Variants in AFG1L observed in about 807,000 individuals in gnomAD.
AFG1L encodes the protein AFG1-like ATPase.
A neutral mutation model predicts 62.2 loss-of-function variants in AFG1L; 53 were observed. That is an observed-to-expected ratio of 0.85 (90% CI 0.68 to 1.07). The LOEUF is 1.07. Ranked by LOEUF, AFG1L falls within the 50% of genes least tolerant of loss-of-function variation. The probability of loss-of-function intolerance (pLI) is 0.00; values close to 1 mark genes in which losing one functional copy is unlikely to be tolerated. For missense variants in AFG1L, 555 were observed against 590.5 expected, an observed-to-expected ratio of 0.94 and a Z score of 0.62; for synonymous variants, 228 against 210.3, an observed-to-expected ratio of 1.08 and a Z score of -0.73.
chr6:108,402,451 G>A (rs927480372), intron 7 of AFG1L, among the ~76,000 whole-genome samples: 1 of 143,218 alleles, frequency 7.0e-6, no homozygotes, highest in African/African-American at 2.7e-5. Flanking sequence ...GTGACAGGGC[G>A]AGACGCCGTC....
chr6:108,304,474 G>A (rs1201037625), intron 1 of AFG1L, among the ~76,000 whole-genome samples: 2 of 152,138 alleles, frequency 1.3e-5, no homozygotes, highest in Non-Finnish European at 2.9e-5. Context: ...TCTGGTCAGT[G>A]GCCACTGTTT....
At chr6:108,418,015 G>T (rs1387650238) in intron 7 of AFG1L, among the ~76,000 whole-genome samples, 2 of 152,016 alleles carry the variant, frequency 1.3e-5, no homozygotes, top group Admixed American at 6.6e-5. Context: ...TGTATTTTTA[G>T]TAGAGACGGG....
intron 3 of AFG1L, among the ~76,000 whole-genome samples, chr6:108,353,535 G>A (rs1391302672): frequency 6.6e-6 from 1 of 151,622 alleles, no homozygotes; most frequent in Non-Finnish European, 1.5e-5. Flanking sequence ...GCAATGCACA[G>A]ATTCCAATTT....
At chr6:108,447,330 A>G (rs371989313) in intron 8 of AFG1L, 34 bp downstream of exon 8, 9 of 1,186,246 alleles carry the variant, frequency 7.6e-6, no homozygotes, top group Non-Finnish European at 1.1e-5. Flanking sequence ...TTTAATGTCT[A>G]ATCGTTAATC....
chr6:108,356,301 G>C (rs1779284938), intron 4 of AFG1L, among the ~76,000 whole-genome samples: 1 of 152,078 alleles, frequency 6.6e-6, no homozygotes, highest in Non-Finnish European at 1.5e-5. Flanking sequence ...TAGAGATAAG[G>C]GTGCATTTCG....
intron 10 of AFG1L, among the ~76,000 whole-genome samples, chr6:108,501,026 C>T (rs1305947874): frequency 6.6e-6 from 1 of 151,828 alleles, no homozygotes; most frequent in Non-Finnish European, 1.5e-5. Context: ...CGGAGTCTTG[C>T]TCTGTCGCCC....
chr6:108,346,697 G>C (rs1284473088), intron 2 of AFG1L, among the ~76,000 whole-genome samples: 1 of 152,062 alleles, frequency 6.6e-6, no homozygotes, highest in African/African-American at 2.4e-5. Context: ...ATTGTTCGCT[G>C]TTCTAAGTAC....
At chr6:108,519,404 T>A (rs941052301) in intron 11 of AFG1L, among the ~76,000 whole-genome samples, 2 of 152,200 alleles carry the variant, frequency 1.3e-5, no homozygotes, top group Non-Finnish European at 2.9e-5. Flanking sequence ...GAACTGAAGA[T>A]CTGGGCTGAC....
chr6:108,375,762 A>G (rs554040747), intron 6 of AFG1L, among the ~76,000 whole-genome samples: 2 of 151,994 alleles, frequency 1.3e-5, no homozygotes, highest in Non-Finnish European at 2.9e-5. Flanking sequence ...ATCTGTGCCC[A>G]TCAGGGATAT....
At chr6:108,427,491 C>T (rs1229964175) in intron 7 of AFG1L, among the ~76,000 whole-genome samples, 1 of 146,962 alleles carries the variant, frequency 6.8e-6, no homozygotes. Flanking sequence ...GCCAATATTT[C>T]TGTAGGTTAG....
chr6:108,319,682 C>T, intron 1 of AFG1L: 1 of 329,026 alleles, frequency 3.0e-6, no homozygotes, highest in Non-Finnish European at 6.0e-6. Flanking sequence ...GATCATGGTG[C>T]TCTGCAGCCT....
At chr6:108,470,859 C>T (rs1006008243) in intron 8 of AFG1L, among the ~76,000 whole-genome samples, 1 of 152,136 alleles carries the variant, frequency 6.6e-6, no homozygotes, top group Non-Finnish European at 1.5e-5. Flanking sequence ...TTTGAGATAA[C>T]TGAACAGGAG....
intron 10 of AFG1L, among the ~76,000 whole-genome samples, chr6:108,483,727 T>C (rs561778998): frequency 6.6e-6 from 1 of 152,350 alleles, no homozygotes; most frequent in South Asian, 2.1e-4. Context: ...TATCAGTTGA[T>C]GCATATGCAT....
At chr6:108,400,325 T>A (rs1316213359) in intron 6 of AFG1L, among the ~76,000 whole-genome samples, 2 of 151,794 alleles carry the variant, frequency 1.3e-5, no homozygotes, top group East Asian at 1.9e-4. Flanking sequence ...TAGCTGTGGG[T>A]CTGTCATATA....
chr6:108,341,645 C>T (rs549844423), intron 2 of AFG1L, among the ~76,000 whole-genome samples: 33 of 152,114 alleles, frequency 2.2e-4, no homozygotes, highest in South Asian at 6.2e-4. Flanking sequence ...CTCTAATACT[C>T]TTCTGCCATA....
chr6:108,486,462 A>C (rs1773577173), intron 10 of AFG1L, among the ~76,000 whole-genome samples: 1 of 152,188 alleles, frequency 6.6e-6, no homozygotes, highest in Non-Finnish European at 1.5e-5. Context: ...AAAAGTTTAG[A>C]AATTGTTAGA....
At chr6:108,501,207 C>A (rs1453153017) in intron 10 of AFG1L, among the ~76,000 whole-genome samples, 2 of 152,136 alleles carry the variant, frequency 1.3e-5, no homozygotes, top group Admixed American at 6.5e-5. Context: ...GTTGGCCAGG[C>A]TGGTCTTGAA....
rs577580307 is a variant in AFG1L, at chr6:108,517,675, C to T, written c.1204-2022C>T. 3.8e-4 allele frequency among the ~76,000 whole-genome samples: 58 copies of T among 152,284 alleles called. 1 individual carries two copies. In the East Asian group the frequency reaches 3.9e-3, roughly 10 times the overall value. On this transcript the variant is annotated intron_variant, in intron 11 of 12. Coordinates refer to ENST00000368977, the MANE Select transcript of AFG1L (RefSeq NM_145315.5). ...AATGGGATCTAATTAAACTGAAGAG[C>T]TTCTGCCCAGCAAAAGAAACTACCA...
intron 7 of AFG1L, among the ~76,000 whole-genome samples, chr6:108,419,625 A>C (rs1167485071): frequency 1.3e-5 from 2 of 152,258 alleles, no homozygotes; most frequent in East Asian, 1.9e-4. Flanking sequence ...AGGTAGTAAC[A>C]ATTTTGTTCT....
Sources: gnomAD v4.1 joint callset for allele counts (sites outside exome capture counted in the v4.1 genomes callset) on GRCh38, gnomAD v4.1.1 for gene constraint, MANE v1.5 for transcripts, NCBI Gene and HGNC (gene_info 2026-07-23, HGNC 2026-07-21) for gene names.